GRXCR1: variants seen among roughly 807,000 people sequenced by gnomAD.
The protein encoded by GRXCR1 is glutaredoxin and cysteine rich domain containing 1, also known as glutaredoxin domain-containing cysteine-rich protein 1.
A neutral mutation model predicts 27.3 loss-of-function variants in GRXCR1; 27 were observed. The ratio of observed to expected loss-of-function variants is 0.99; its 90% confidence interval spans 0.73 to 1.37. The LOEUF (loss-of-function observed/expected upper bound fraction) is 1.37. Ranked by LOEUF, GRXCR1 falls within the 40% of genes most tolerant of loss-of-function variation. GRXCR1 has a pLI of 0.00. For missense variants in GRXCR1, 379 were observed against 354.4 expected (o/e 1.07, Z -0.56); for synonymous variants, 122 against 131.1 (o/e 0.93, Z 0.47).
At chr4:42,921,869 C>G (rs1052920104) in intron 1 of GRXCR1, among the ~76,000 whole-genome samples, 1 of 152,098 alleles carries the variant, frequency 6.6e-6, no homozygotes, top group Non-Finnish European at 1.5e-5. Context: ...GAACATGCTG[C>G]CCACCTTCCT....
intron 3 of GRXCR1, among the ~76,000 whole-genome samples, chr4:43,023,296 C>T (rs1713149846): frequency 6.6e-6 from 1 of 152,092 alleles, no homozygotes; most frequent in Non-Finnish European, 1.5e-5. Flanking sequence ...CACTCCTGGT[C>T]CTCATAATTC....
intron 2 of GRXCR1, among the ~76,000 whole-genome samples, chr4:43,013,173 A>G (rs1418341011): frequency 6.6e-6 from 1 of 152,204 alleles, no homozygotes; most frequent in African/African-American, 2.4e-5. Flanking sequence ...TATGTAGCAA[A>G]ATAAAAACAA....
intron 1 of GRXCR1, among the ~76,000 whole-genome samples, chr4:42,938,788 C>T (rs1006674962): frequency 6.6e-6 from 1 of 151,768 alleles, no homozygotes; most frequent in Non-Finnish European, 1.5e-5. Context: ...GTTTTCCACA[C>T]ATTTGCTGAA....
At chr4:42,937,885 C>G (rs988699100) in intron 1 of GRXCR1, among the ~76,000 whole-genome samples, 4 of 151,894 alleles carry the variant, frequency 2.6e-5, no homozygotes. Context: ...CATGAGGTGT[C>G]CATCACCTGA....
chr4:42,959,181 T>C (rs1748073673), intron 1 of GRXCR1, among the ~76,000 whole-genome samples: 1 of 151,988 alleles, frequency 6.6e-6, no homozygotes, highest in Non-Finnish European at 1.5e-5. Context: ...CTAAGTATCC[T>C]TTAATGGATA....
At chr4:43,010,534 T>C (rs954729143) in intron 2 of GRXCR1, among the ~76,000 whole-genome samples, 1 of 152,056 alleles carries the variant, frequency 6.6e-6, no homozygotes, top group Non-Finnish European at 1.5e-5. Flanking sequence ...TTTCGCTAAA[T>C]GCTATGCCCA....
rs1560676877 is a variant in GRXCR1 at position 42,987,243 on chromosome 4, TATATAA to T, written c.627+24110_627+24115del. 8.5e-4 allele frequency among the ~76,000 whole-genome samples: 65 copies of T among 76,760 alleles called. 1 individual carries two copies. The highest frequency in any genetic ancestry group is 2.8e-3 in the African/African-American group (58 of 20,562). 50.4% of individuals were successfully genotyped at this position (76,760 alleles called of 152,430 possible). A position where few individuals can be genotyped will look rare whatever the true frequency, so the allele number is the denominator to read the frequency against. Reference sequence around the variant, plus strand: ...TATATTATATATTATATATATATAATATATAATATATATATATAATATATATATATA... The same window carrying T: ...TATATTATATATTATATATATATAATTATATATATATAATATATATATATA... On this transcript the variant is annotated intron_variant, in intron 2 of 3. Transcript: ENST00000399770.
chr4:42,903,375 G>T (rs1476891423), intron 1 of GRXCR1, among the ~76,000 whole-genome samples: 1 of 121,258 alleles, frequency 8.2e-6, no homozygotes, highest in African/African-American at 3.1e-5. Flanking sequence ...GCAGTGGCAT[G>T]ATCTCGGCTC....
chr4:43,009,422 T>A (rs1261505738), intron 2 of GRXCR1, among the ~76,000 whole-genome samples: 1 of 152,182 alleles, frequency 6.6e-6, no homozygotes, highest in Non-Finnish European at 1.5e-5. Context: ...CCTCATCCTA[T>A]CTCTATCTAC....
intron 1 of GRXCR1, among the ~76,000 whole-genome samples, chr4:42,932,379 C>T (rs1236346110): frequency 2.6e-5 from 4 of 151,300 alleles, no homozygotes; most frequent in African/African-American, 9.7e-5. Flanking sequence ...CTCCAGGTTG[C>T]TCCCTGCTTC....
chr4:42,950,786 T>G (rs1747864827), intron 1 of GRXCR1, among the ~76,000 whole-genome samples: 1 of 152,140 alleles, frequency 6.6e-6, no homozygotes, highest in Non-Finnish European at 1.5e-5. Context: ...TAAATGGACC[T>G]CCTCAAATTC....
At chr4:42,925,386 C>G (rs923369381) in intron 1 of GRXCR1, among the ~76,000 whole-genome samples, 1 of 151,930 alleles carries the variant, frequency 6.6e-6, no homozygotes, top group Non-Finnish European at 1.5e-5. Flanking sequence ...TGAAATAATT[C>G]AATTCCACAA....
chr4:42,986,115 A>T (rs1254366593), intron 2 of GRXCR1, among the ~76,000 whole-genome samples: 1 of 152,136 alleles, frequency 6.6e-6, no homozygotes, highest in Admixed American at 6.5e-5. Flanking sequence ...TTTGTTTTTA[A>T]TCACTTCTTA....
chr4:42,893,726 A>G lies in GRXCR1; in HGVS notation c.384+76A>G, dbSNP rs1746286803. On this transcript the variant is annotated intron_variant, in intron 1 of 3. Coordinates refer to ENST00000399770, the MANE Select transcript of GRXCR1 (RefSeq NM_001080476.3). ...TGAACACCTCTCAGTTCTCCAGTTA[A>G]AGCAAGCCTCTCTTATTTGCAACTC... 6.9e-5 allele frequency: 97 copies of G among 1,415,922 alleles called. No individual in the cohort carries two copies. In the South Asian group the frequency reaches 9.5e-4, roughly 14 times the overall value. 87.7% of individuals were successfully genotyped at this position (1,415,922 alleles called of 1,614,324 possible).
intron 1 of GRXCR1, among the ~76,000 whole-genome samples, chr4:42,948,116 C>A (rs370428900): frequency 4.6e-5 from 7 of 152,184 alleles, no homozygotes; most frequent in Non-Finnish European, 1.5e-5. Flanking sequence ...TAGACAAATT[C>A]AACCTCTGGC....
At chr4:42,974,117 A>G (rs1481221664) in intron 2 of GRXCR1, among the ~76,000 whole-genome samples, 1 of 152,112 alleles carries the variant, frequency 6.6e-6, no homozygotes, top group African/African-American at 2.4e-5. Context: ...ATTGCAGGGT[A>G]CCAAATGAGG....
At chr4:42,987,247 TAATATATATATATA>T (rs1711788617) in intron 2 of GRXCR1, among the ~76,000 whole-genome samples, 1 of 82,388 alleles carries the variant, frequency 1.2e-5, no homozygotes, top group Non-Finnish European at 2.4e-5. Flanking sequence ...ATATAATATA[TAATATATATATATA>T]ATATATATAT....
rs1002943445 is a variant in GRXCR1, at chr4:43,023,477, G to T, written c.693+3058G>T. On this transcript the variant is annotated intron_variant, in intron 3 of 3. Transcript: ENST00000399770. ...ATTGCTGGGGAAGCTGAGTCGATCT[G>T]ATTTGTTGATGAAGATTATTAGTGG... Among the ~76,000 whole-genome samples the T allele has an allele frequency of 3.9e-5, 6 of 152,326 alleles. No homozygotes were observed. The South Asian group carries it at 6.2e-4, about 16-fold the overall frequency.
intron 1 of GRXCR1, among the ~76,000 whole-genome samples, chr4:42,941,583 T>C (rs2109763140): frequency 6.6e-6 from 1 of 152,106 alleles, no homozygotes; most frequent in East Asian, 1.9e-4. Context: ...TCCACCCCTC[T>C]TATTTAACGG....
Sources: gnomAD v4.1 joint callset for allele counts (sites outside exome capture counted in the v4.1 genomes callset) on GRCh38, gnomAD v4.1.1 for gene constraint, MANE v1.5 for transcripts, NCBI Gene and HGNC (gene_info 2026-07-23, HGNC 2026-07-21) for gene names.